USP25: variants seen among roughly 807,000 people sequenced by gnomAD.
The protein encoded by USP25 is ubiquitin carboxyl-terminal hydrolase 25.
In USP25, 85 loss-of-function variants were observed where a neutral mutation model predicts 158.5. The ratio of observed to expected loss-of-function variants is 0.54; its 90% confidence interval spans 0.45 to 0.64. USP25 has a LOEUF of 0.64. Ranked by LOEUF, USP25 falls within the 30% of genes least tolerant of loss-of-function variation. The probability of loss-of-function intolerance (pLI) is 0.00; values close to 1 mark genes in which losing one functional copy is unlikely to be tolerated. For missense variants in USP25, 1,242 were observed against 1,327.3 expected (o/e 0.94, Z 1.00); for synonymous variants, 464 against 460.4 (o/e 1.01, Z -0.10).
rs531560766 is a variant in USP25 at position 15,765,122 on chromosome 21, A to G, written c.124-875A>G. On this transcript the variant is annotated intron_variant, in intron 2 of 25. Coordinates refer to ENST00000400183, the MANE Select transcript of USP25 (RefSeq NM_001283041.3). ...CTGGCTTCTTATTACACCCGTGTGC[A>G]TGTCTAAGTTCTTAGGGAACCTACA... Among the ~76,000 whole-genome samples, 15 of 152,238 alleles carry G rather than the reference A, an allele frequency of 9.9e-5. No homozygotes were observed. In the South Asian group the frequency reaches 3.1e-3, roughly 32 times the overall value.
In USP25 at chr21:15,730,456, G is replaced by A; in HGVS notation, c.45+18G>A. 7.4e-7 allele frequency: 1 copy of A among 1,345,580 alleles called. No individual in the cohort carries two copies. 83.4% of individuals were successfully genotyped at this position (1,345,580 alleles called of 1,614,324 possible). ...CGCAGAAGGTGAGGCGAGTCCGCCA[G>A]CCGGCGGGCCCCACTTCTCCTTCCG... On this transcript the variant is annotated intron_variant, in intron 1 of 25. Coordinates refer to ENST00000400183, the MANE Select transcript of USP25 (RefSeq NM_001283041.3).
chr21:15,808,770 A>G, intron 7 of USP25, 39 bp from the exon 8 acceptor site: 1 of 1,481,378 alleles, frequency 6.8e-7, no homozygotes, highest in East Asian at 2.3e-5. Context: ...TTTTTTTTTT[A>G]GTAGGCTCAA....
At chr21:15,800,817 T>C (rs2036096773) in intron 6 of USP25, among the ~76,000 whole-genome samples, 1 of 151,566 alleles carries the variant, frequency 6.6e-6, no homozygotes, top group South Asian at 2.1e-4. Context: ...AACCACTTTT[T>C]CTTTTTCTGT....
chr21:15,741,036 A>G (rs2032002133), intron 1 of USP25, among the ~76,000 whole-genome samples: 1 of 152,112 alleles, frequency 6.6e-6, no homozygotes, highest in African/African-American at 2.4e-5. Context: ...TTAATTATCA[A>G]CACCGTCATT....
chr21:15,872,384 C>T (rs1232784629), intron 23 of USP25, among the ~76,000 whole-genome samples: 3 of 152,112 alleles, frequency 2.0e-5, no homozygotes, highest in Admixed American at 2.0e-4. Flanking sequence ...AGAATTGGAA[C>T]AAGGTCATGG....
At chr21:15,847,806 TACTTA>T (rs779751315) in intron 19 of USP25, 30 bp downstream of exon 19, 111 of 1,434,664 alleles carry the variant, frequency 7.7e-5, no homozygotes, top group Non-Finnish European at 1.0e-4. Flanking sequence ...GCACCATTGC[TACTTA>T]ACTTTTGCTA....
intron 5 of USP25, among the ~76,000 whole-genome samples, chr21:15,793,020 C>A (rs914061993): frequency 1.3e-5 from 2 of 151,418 alleles, no homozygotes; most frequent in Non-Finnish European, 1.5e-5. Flanking sequence ...ACTTTACTTG[C>A]GCTATCTATT....
intron 1 of USP25, among the ~76,000 whole-genome samples, chr21:15,749,864 A>G (rs2032852226): frequency 6.6e-6 from 1 of 152,216 alleles, no homozygotes; most frequent in Non-Finnish European, 1.5e-5. Flanking sequence ...TTATCTACAC[A>G]TGGTTTTATT....
intron 1 of USP25, among the ~76,000 whole-genome samples, chr21:15,748,648 A>G (rs919840977): frequency 1.3e-5 from 2 of 152,086 alleles, no homozygotes; most frequent in African/African-American, 4.8e-5. Flanking sequence ...TTTAAATATA[A>G]ACTAGGCATA....
chr21:15,730,014 T>G lies in USP25; in HGVS notation c.-380T>G, dbSNP rs1433000428. 2.0e-5 allele frequency: 3 copies of G among 151,400 alleles called. No homozygotes were observed. The highest frequency in any genetic ancestry group is 7.3e-5 in the African/African-American group (3 of 41,272). The allele number at this position is 151,400 out of a possible 1,614,324, so 9.4% of individuals were successfully genotyped here. A position where few individuals can be genotyped will look rare whatever the true frequency, so the allele number is the denominator to read the frequency against. ...GCGGCCGCTCCCTCCGTCCCCTCTC[T>G]CCCTTCCCCAAAGCAGCCCGCGGAC... is the stretch of plus-strand genomic sequence containing the variant. On this transcript the variant is annotated 5_prime_UTR_variant, in exon 1 of 26. Coordinates refer to ENST00000400183, the MANE Select transcript of USP25 (RefSeq NM_001283041.3).
At chr21:15,775,103 G>A (rs1369515386) in intron 3 of USP25, among the ~76,000 whole-genome samples, 4 of 152,190 alleles carry the variant, frequency 2.6e-5, no homozygotes, top group South Asian at 4.1e-4. Context: ...CACCATTCTC[G>A]CGTCTTATGA....
At chr21:15,848,714 A>G (rs915405761) in intron 19 of USP25, among the ~76,000 whole-genome samples, 2 of 152,190 alleles carry the variant, frequency 1.3e-5, no homozygotes, top group Admixed American at 6.5e-5. Flanking sequence ...TCATAAAGAC[A>G]TATCACTGTA....
At chr21:15,873,072 AAGT>A (rs774949182) in intron 23 of USP25, among the ~76,000 whole-genome samples, 26 of 151,994 alleles carry the variant, frequency 1.7e-4, no homozygotes, top group Non-Finnish European at 2.5e-4. Context: ...TTTGAGGTAA[AAGT>A]AATTCTTTAT....
intron 7 of USP25, 137 bp downstream of exon 7, chr21:15,805,395 C>A: frequency 1.2e-6 from 1 of 841,300 alleles, no homozygotes; most frequent in Non-Finnish European, 1.6e-6. Flanking sequence ...CCATTTAAAA[C>A]ATTTGGGAGA....
At chr21:15,733,287 G>A (rs1167108610) in intron 1 of USP25, among the ~76,000 whole-genome samples, 1 of 151,820 alleles carries the variant, frequency 6.6e-6, no homozygotes, top group African/African-American at 2.4e-5. Context: ...CTTCTGAGTT[G>A]AATAAAATAT....
At chr21:15,870,754 T>G (rs2039852385) in intron 23 of USP25, among the ~76,000 whole-genome samples, 1 of 152,226 alleles carries the variant, frequency 6.6e-6, no homozygotes, top group Non-Finnish European at 1.5e-5. Flanking sequence ...ATGCTTTATT[T>G]TCAATGCAGT....
At chr21:15,756,991 A>G (rs1174172971) in intron 1 of USP25, among the ~76,000 whole-genome samples, 1 of 152,194 alleles carries the variant, frequency 6.6e-6, no homozygotes, top group African/African-American at 2.4e-5. Flanking sequence ...GGAGAGGACC[A>G]TATTTAGGAC....
At chr21:15,742,387 C>T (rs2032147590) in intron 1 of USP25, among the ~76,000 whole-genome samples, 1 of 152,076 alleles carries the variant, frequency 6.6e-6, no homozygotes, top group African/African-American at 2.4e-5. Context: ...TATGGTAACA[C>T]CAATGTTGAA....
chr21:15,818,915 A>C, intron 10 of USP25, 69 bp downstream of exon 10: 1 of 1,520,898 alleles, frequency 6.6e-7, no homozygotes, highest in Non-Finnish European at 9.0e-7. Flanking sequence ...GCACAATGTA[A>C]GGTTCTAATT....
Sources: gnomAD v4.1 joint callset for allele counts (sites outside exome capture counted in the v4.1 genomes callset) on GRCh38, gnomAD v4.1.1 for gene constraint, MANE v1.5 for transcripts, NCBI Gene and HGNC (gene_info 2026-07-23, HGNC 2026-07-21) for gene names.